Variants in MED13L observed in about 807,000 individuals in gnomAD.
MED13L encodes the protein mediator of RNA polymerase II transcription subunit 13-like.
In MED13L, 7 loss-of-function variants were observed where a neutral mutation model predicts 220.9. The observed-to-expected ratio is 0.03, with a 90% CI of 0.02 to 0.06. The LOEUF (loss-of-function observed/expected upper bound fraction) is 0.06. MED13L is among the 10% of genes least tolerant of loss of function. The pLI is 1.00. For synonymous variants in MED13L, 1,011 were observed against 1,015.2 expected (o/e 1.00, Z 0.08); for missense variants, 1,965 against 2,760.5 (o/e 0.71, Z 6.46).
At chr12:116,264,358 TCA>T (rs1420788154) in intron 1 of MED13L, among the ~76,000 whole-genome samples, 1 of 152,214 alleles carries the variant, frequency 6.6e-6, no homozygotes, top group East Asian at 1.9e-4. Context: ...TAGTTCAAAA[TCA>T]GTTTTATACT....
chr12:116,072,224 T>C (rs1870431399), intron 4 of MED13L, among the ~76,000 whole-genome samples: 1 of 152,184 alleles, frequency 6.6e-6, no homozygotes, highest in Non-Finnish European at 1.5e-5. Context: ...AGTCCAAAGA[T>C]AAAACAGCTT....
intron 25 of MED13L, 147 bp downstream of exon 25, chr12:115,975,024 G>GGTTT: frequency 1.2e-6 from 1 of 866,872 alleles, no homozygotes; most frequent in Non-Finnish European, 1.8e-6. Context: ...GTTTAAAACT[G>GGTTT]GTTTATCCTG....
At chr12:116,261,655 C>T (rs1287716705) in intron 1 of MED13L, among the ~76,000 whole-genome samples, 1 of 152,084 alleles carries the variant, frequency 6.6e-6, no homozygotes, top group Non-Finnish European at 1.5e-5. Flanking sequence ...CAATTGTGAT[C>T]AAAGCTTAAG....
rs1191297498 is a variant in MED13L, at chr12:116,119,819, A to T, written c.311-8307T>A. Among the ~76,000 whole-genome samples the T allele has an allele frequency of 7.9e-3, 641 of 80,754 alleles. 4 individuals carry two copies. Among genetic ancestry groups the T allele is most frequent in the South Asian group, 0.045 (96 of 2,110 alleles). 53.0% of individuals were successfully genotyped at this position (80,754 alleles called of 152,430 possible). A position where few individuals can be genotyped will look rare whatever the true frequency, so the allele number is the denominator to read the frequency against. On this transcript the variant is annotated intron_variant, in intron 2 of 30. Transcript: ENST00000281928. Reference sequence around the variant, plus strand: ...AAGACCCCATATCTTTAAAAAAAAAAAAAAAAAAAAAAAAAAAAAATATAT... The same window carrying T: ...AAGACCCCATATCTTTAAAAAAAAATAAAAAAAAAAAAAAAAAAAATATAT...
chr12:116,084,386 C>T (rs986413179), intron 4 of MED13L, among the ~76,000 whole-genome samples: 4 of 152,126 alleles, frequency 2.6e-5, no homozygotes, highest in African/African-American at 9.7e-5. Flanking sequence ...AAATGGAGGG[C>T]TGCAGGTAAA....
rs558334034 is a variant in MED13L, at chr12:116,116,527, A to G, written c.311-5015T>C. On this transcript the variant is annotated intron_variant, in intron 2 of 30. Coordinates refer to ENST00000281928, the MANE Select transcript of MED13L (RefSeq NM_015335.5). ...TACCCTTTGTAATAAACCAGTAAACATAAGTAAAGTTTTCCCCTGAGTTCT... is the reference window on the plus strand; with the variant it reads ...TACCCTTTGTAATAAACCAGTAAACGTAAGTAAAGTTTTCCCCTGAGTTCT... Among the ~76,000 whole-genome samples, 7 of 152,210 alleles carry G rather than the reference A, an allele frequency of 4.6e-5. No individual in the cohort carries two copies. The South Asian group carries it at 1.0e-3, about 23-fold the overall frequency.
At chr12:116,141,627 C>T (rs901997196) in intron 2 of MED13L, among the ~76,000 whole-genome samples, 6 of 152,060 alleles carry the variant, frequency 3.9e-5, no homozygotes, top group African/African-American at 7.2e-5. Context: ...ATATCTAGAA[C>T]GTGAGCACTT....
chr12:115,987,945 C>A lies in MED13L; in HGVS notation c.3935-657G>T, dbSNP rs544152686. 6.4e-4 allele frequency among the ~76,000 whole-genome samples: 98 copies of A among 152,296 alleles called. 1 individual carries two copies. The highest frequency in any genetic ancestry group is 1.2e-3 in the Non-Finnish European group (84 of 68,008). On this transcript the variant is annotated intron_variant, in intron 17 of 30. Transcript: ENST00000281928. ...TTCTAACCTAAAATTTGAAAGTTGT[C>A]TGAACTCCATGCAAAACTGTGCAAG... is the stretch of plus-strand genomic sequence containing the variant.
At chr12:116,025,699 G>C (rs1323263584) in intron 4 of MED13L, among the ~76,000 whole-genome samples, 5 of 152,152 alleles carry the variant, frequency 3.3e-5, no homozygotes, top group Non-Finnish European at 7.4e-5. Flanking sequence ...GTAGAGAACA[G>C]AATTGCCATT....
chr12:115,979,189 C>A (rs1877158820), intron 23 of MED13L, among the ~76,000 whole-genome samples: 1 of 152,110 alleles, frequency 6.6e-6, no homozygotes, highest in African/African-American at 2.4e-5. Context: ...AAAGTAAAAT[C>A]ATTTACTTCT....
chr12:116,177,599 T>C (rs918856034), intron 2 of MED13L, among the ~76,000 whole-genome samples: 2 of 152,210 alleles, frequency 1.3e-5, no homozygotes, highest in East Asian at 1.9e-4. Context: ...AATTACACTT[T>C]ACATTGATAT....
At chr12:116,089,140 A>C (rs1338140493) in intron 4 of MED13L, among the ~76,000 whole-genome samples, 1 of 152,236 alleles carries the variant, frequency 6.6e-6, no homozygotes, top group Non-Finnish European at 1.5e-5. Flanking sequence ...TATCGGAAAT[A>C]AAATATACAC....
intron 2 of MED13L, among the ~76,000 whole-genome samples, chr12:116,211,298 T>G (rs550772353): frequency 6.6e-6 from 1 of 152,292 alleles, no homozygotes; most frequent in East Asian, 1.9e-4. Context: ...GGATCTGAAT[T>G]TTTCATTTTA....
chr12:116,063,012 A>G (rs1186732307), intron 4 of MED13L, among the ~76,000 whole-genome samples: 1 of 152,220 alleles, frequency 6.6e-6, no homozygotes, highest in Non-Finnish European at 1.5e-5. Flanking sequence ...ATTTCTCAAA[A>G]TAAGTTGTAG....
At position 115,959,069 on chromosome 12, in the gene MED13L, T is replaced by A. The variant is rs1875596344; in HGVS notation, c.*2197A>T. 2 of 152,584 alleles carry A rather than the reference T, an allele frequency of 1.3e-5. No homozygotes were observed. Among genetic ancestry groups the A allele is most frequent in the Admixed American group, 1.3e-4 (2 of 15,288 alleles). 9.5% of individuals were successfully genotyped at this position (152,584 alleles called of 1,614,324 possible). A position where few individuals can be genotyped will look rare whatever the true frequency, so the allele number is the denominator to read the frequency against. ...CCAGGGCTTGTACATTTCAGATTAATTCAGTAAAAAACTCACAAGTAAAAT... is the reference window on the plus strand; with the variant it reads ...CCAGGGCTTGTACATTTCAGATTAAATCAGTAAAAAACTCACAAGTAAAAT... On this transcript the variant is annotated 3_prime_UTR_variant, in exon 31 of 31. Transcript: ENST00000281928.
At chr12:116,205,835 C>T (rs527713970) in intron 2 of MED13L, among the ~76,000 whole-genome samples, 3 of 151,650 alleles carry the variant, frequency 2.0e-5, no homozygotes, top group East Asian at 1.9e-4. Flanking sequence ...CTCACCACTG[C>T]GATAATCATA....
intron 4 of MED13L, among the ~76,000 whole-genome samples, chr12:116,056,085 C>T (rs1442972318): frequency 6.6e-6 from 1 of 151,736 alleles, no homozygotes; most frequent in Non-Finnish European, 1.5e-5. Context: ...CTGCTGGCAG[C>T]CCAAAGGTAA....
chr12:116,001,445 C>T (rs1435398130), intron 14 of MED13L, among the ~76,000 whole-genome samples: 1 of 152,212 alleles, frequency 6.6e-6, no homozygotes, highest in Non-Finnish European at 1.5e-5. Flanking sequence ...AATCTGCTCA[C>T]CTTGGGCTCC....
At chr12:116,176,762 C>T (rs949833415) in intron 2 of MED13L, among the ~76,000 whole-genome samples, 2 of 148,170 alleles carry the variant, frequency 1.3e-5, no homozygotes, top group African/African-American at 5.0e-5. Context: ...AAATAGAAAA[C>T]AGATGAAACA....
Sources: allele counts gnomAD v4.1 joint callset (sites outside exome capture counted in the v4.1 genomes callset), GRCh38; gene constraint gnomAD v4.1.1; transcripts MANE v1.5; gene names NCBI Gene and HGNC (gene_info 2026-07-23, HGNC 2026-07-21).